TMPRSS9: variants seen among roughly 807,000 people sequenced by gnomAD.
The protein encoded by TMPRSS9 is transmembrane serine protease 9.
In TMPRSS9, 113 loss-of-function variants were observed where a neutral mutation model predicts 111.4. The observed-to-expected ratio is 1.01, with a 90% confidence interval of 0.87 to 1.19. The LOEUF (loss-of-function observed/expected upper bound fraction) is 1.19. Ranked by LOEUF, TMPRSS9 falls within the 50% of genes most tolerant of loss-of-function variation. The probability of loss-of-function intolerance (pLI) is 0.00; values close to 1 mark genes in which losing one functional copy is unlikely to be tolerated. For missense variants in TMPRSS9, 1,803 were observed against 1,513.1 expected (o/e 1.19, Z -3.18); for synonymous variants, 805 against 659.1 (o/e 1.22, Z -3.39).
exon 17 of TMPRSS9, chr19:2,425,367 G>T: frequency 6.6e-7 from 1 of 1,522,152 alleles, no homozygotes. Context: ...GCTCCATGGC[G>T]CGGCAGCTGC....
Position 2,415,805 on chromosome 19 carries a change from AC to A in TMPRSS9, c.1711del (p.Arg571AlafsTer35). On this transcript the variant is annotated frameshift_variant, in exon 11 of 18. Transcript: ENST00000648592. LOFTEE classifies it high-confidence loss of function. ...TTCTGCGGAGCAACTGTGGTGGGGG[AC>A]CGCTGGCTGCTGTCTGCCGCCCACT... is the stretch of plus-strand genomic sequence containing the variant. 4.4e-6 allele frequency: 7 copies of A among 1,602,196 alleles called. No individual in the cohort carries two copies. Among genetic ancestry groups the A allele is most frequent in the Non-Finnish European group, 6.0e-6 (7 of 1,173,198 alleles).
chr19:2,382,064 C>A (rs1205163030), intron 1 of TMPRSS9, among the ~76,000 whole-genome samples: 1 of 152,024 alleles, frequency 6.6e-6, no homozygotes, highest in Non-Finnish European at 1.5e-5. Context: ...TGGTCTCGAA[C>A]TCCTGACCTC....
At chr19:2,415,101 T>C (rs989442621) in intron 10 of TMPRSS9, among the ~76,000 whole-genome samples, 14 of 151,736 alleles carry the variant, frequency 9.2e-5, no homozygotes, top group African/African-American at 3.4e-4. Context: ...CCCATCACCA[T>C]GCTTGGCTAA....
chr19:2,399,959 A>G (rs1970795400), intron 4 of TMPRSS9, among the ~76,000 whole-genome samples: 1 of 152,058 alleles, frequency 6.6e-6, no homozygotes, highest in Admixed American at 6.6e-5. Flanking sequence ...TGGACTCCTG[A>G]CCTCAGGTGA....
chr19:2,405,348 A>G, intron 6 of TMPRSS9, 26 bp from the exon 8 acceptor site: 4 of 1,572,758 alleles, frequency 2.5e-6, no homozygotes, highest in Non-Finnish European at 3.4e-6. Context: ...TCGTGGGGTC[A>G]TGGCTGGTGA....
chr19:2,360,964 G>A (rs976331241), intron 1 of TMPRSS9, among the ~76,000 whole-genome samples: 5 of 146,618 alleles, frequency 3.4e-5, no homozygotes, highest in African/African-American at 1.3e-4. Context: ...GTGTAGATTC[G>A]GCCTAGTTCC....
intron 1 of TMPRSS9, among the ~76,000 whole-genome samples, chr19:2,367,248 A>G (rs1423510093): frequency 1.3e-5 from 2 of 152,196 alleles, no homozygotes; most frequent in East Asian, 3.9e-4. Flanking sequence ...CACCACATCT[A>G]TAACCTTGGG....
chr19:2,423,683 G>A (rs1409331554), intron 14 of TMPRSS9, among the ~76,000 whole-genome samples: 1 of 152,144 alleles, frequency 6.6e-6, no homozygotes, highest in Non-Finnish European at 1.5e-5. Flanking sequence ...GGCACCGTCT[G>A]GGGAGGGCTT....
At chr19:2,395,288 T>A (rs1970683382) in intron 1 of TMPRSS9, among the ~76,000 whole-genome samples, 1 of 151,366 alleles carries the variant, frequency 6.6e-6, no homozygotes, top group Non-Finnish European at 1.5e-5. Context: ...GGTGTGGTGG[T>A]CCACGCCTGT....
chr19:2,397,303 T>C (rs1384944629), intron 2 of TMPRSS9, among the ~76,000 whole-genome samples: 2 of 151,820 alleles, frequency 1.3e-5, no homozygotes, highest in Non-Finnish European at 2.9e-5. Flanking sequence ...TTTATTTTAT[T>C]TTTTTGAGAC....
chr19:2,415,603 A>AC lies in TMPRSS9; in HGVS notation c.1574-63dup, dbSNP rs1038317250. The AC allele has an allele frequency of 1.1e-5, 15 of 1,394,042 alleles. No homozygotes were observed. In the African/African-American group the frequency reaches 2.1e-4, roughly 19 times the overall value. The allele number at this position is 1,394,042 out of a possible 1,614,324, so 86.4% of individuals were successfully genotyped here. On this transcript the variant is annotated intron_variant, in intron 10 of 17. Transcript: ENST00000648592. ...TGGCTGCAACCGGTGTCCTGGGACC[A>AC]CCCCACCGGATGCTCCCACCCGAGC...
chr19:2,411,400 CTTTTT>C (rs571815184), intron 9 of TMPRSS9, among the ~76,000 whole-genome samples: 3 of 100,678 alleles, frequency 3.0e-5, no homozygotes. Context: ...TCTTCTTCTT[CTTTTT>C]TTTTTTTTTT....
At chr19:2,363,299 C>A (rs1177961976) in intron 1 of TMPRSS9, among the ~76,000 whole-genome samples, 1 of 152,170 alleles carries the variant, frequency 6.6e-6, no homozygotes, top group Non-Finnish European at 1.5e-5. Context: ...TGGCCGGTTG[C>A]CCAGGCTGGG....
rs775283942 is a variant in TMPRSS9 at position 2,416,530 on chromosome 19, C to G, written c.1746-8C>G. 1.2e-6 allele frequency: 2 copies of G among 1,600,436 alleles called. No individual in the cohort carries two copies. Among genetic ancestry groups the G allele is most frequent in the Non-Finnish European group, 8.5e-7 (1 of 1,174,258 alleles). On this transcript the variant is annotated splice_region_variant and splice_polypyrimidine_tract_variant and intron_variant, in intron 11 of 17. Transcript: ENST00000648592. ...GGGCAGGCATGTCTGAGGGCCCTGTCTCCATAGCACGAAGGTGGAGCAGGT... is the reference window on the plus strand; with the variant it reads ...GGGCAGGCATGTCTGAGGGCCCTGTGTCCATAGCACGAAGGTGGAGCAGGT...
intron 15 of TMPRSS9, 83 bp downstream of exon 16, chr19:2,424,340 C>T (rs1190036828): frequency 4.0e-5 from 50 of 1,254,848 alleles, no homozygotes; most frequent in South Asian, 6.4e-5. Flanking sequence ...CGCACCCTGA[C>T]CCCCTCCTTT....
At chr19:2,396,987 C>G (rs1274373772) in intron 2 of TMPRSS9, among the ~76,000 whole-genome samples, 1 of 151,268 alleles carries the variant, frequency 6.6e-6, no homozygotes, top group Admixed American at 6.6e-5. Context: ...GTGGAATGAT[C>G]TCGGCTCACT....
intron 8 of TMPRSS9, 78 bp downstream of exon 9, chr19:2,408,708 G>T: frequency 6.5e-7 from 1 of 1,533,398 alleles, no homozygotes; most frequent in South Asian, 1.2e-5. Context: ...CAGGTGAGGT[G>T]GCTCACGCCT....
intron 13 of TMPRSS9, among the ~76,000 whole-genome samples, chr19:2,420,462 G>A (rs1315922301): frequency 2.2e-5 from 3 of 137,774 alleles, no homozygotes; most frequent in Non-Finnish European, 4.8e-5. Flanking sequence ...AAAAAAAAAT[G>A]GCATCAGATT....
intron 13 of TMPRSS9, among the ~76,000 whole-genome samples, chr19:2,418,359 CTCCCTTCCCT>C (rs1162652721): frequency 3.8e-5 from 1 of 26,410 alleles, no homozygotes; most frequent in South Asian, 1.9e-3. Flanking sequence ...CCCTCCCTCC[CTCCCTTCCCT>C]TCCCTCCCTC....
Sources: allele counts gnomAD v4.1 joint callset (sites outside exome capture counted in the v4.1 genomes callset), GRCh38; gene constraint gnomAD v4.1.1; transcripts MANE v1.5; gene names NCBI Gene and HGNC (gene_info 2026-07-23, HGNC 2026-07-21).